Variants in TEAD4 observed in about 807,000 individuals in gnomAD.
The protein encoded by TEAD4 is TEA domain transcription factor 4, also known as transcriptional enhancer factor TEF-3.
Under a neutral mutation model 52.4 loss-of-function variants are expected in TEAD4, and 36 were observed. The ratio of observed to expected loss-of-function variants is 0.69; its 90% confidence interval spans 0.53 to 0.91. The LOEUF (loss-of-function observed/expected upper bound fraction) is 0.91, where lower values mean the gene tolerates loss of function less well. TEAD4 is among the 40% of genes least tolerant of loss of function. TEAD4 has a pLI of 0.00. For missense variants in TEAD4, 508 were observed against 583.9 expected (o/e 0.87, Z 1.34); for synonymous variants, 220 against 231.0 (o/e 0.95, Z 0.43).
At chr12:2,983,702 C>T (rs1301250663) in intron 2 of TEAD4, among the ~76,000 whole-genome samples, 1 of 152,224 alleles carries the variant, frequency 6.6e-6, no homozygotes, top group Non-Finnish European at 1.5e-5. Context: ...AAAATCCAGA[C>T]ATTTCCTGAG....
chr12:2,986,161 C>T (rs1470193809), intron 2 of TEAD4, among the ~76,000 whole-genome samples: 2 of 152,084 alleles, frequency 1.3e-5, no homozygotes, highest in Non-Finnish European at 2.9e-5. Context: ...GCGTCAGGGT[C>T]GTCAGTATCA....
At position 3,012,242 on chromosome 12, in the gene TEAD4, C is replaced by G; in HGVS notation, c.354+10C>G. The G allele has an allele frequency of 6.2e-7, 1 of 1,613,814 alleles. No homozygotes were observed. The highest frequency in any genetic ancestry group is 8.5e-7 in the Non-Finnish European group (1 of 1,179,836). On this transcript the variant is annotated intron_variant, in intron 5 of 12. Coordinates refer to ENST00000359864, the MANE Select transcript of TEAD4 (RefSeq NM_003213.4). Reference sequence around the variant, plus strand: ...CCAGGCCAAGCTAAAGGTAAGGAAACTGCAGTGGGGGTGCTGGAGTGGCCA... The same window carrying G: ...CCAGGCCAAGCTAAAGGTAAGGAAAGTGCAGTGGGGGTGCTGGAGTGGCCA...
intron 10 of TEAD4, among the ~76,000 whole-genome samples, chr12:3,025,076 CTG>C (rs2098271255): frequency 6.6e-6 from 1 of 152,024 alleles, no homozygotes; most frequent in South Asian, 2.1e-4. Flanking sequence ...TCCCGAGTAG[CTG>C]GGATTACAGG....
In TEAD4 at chr12:3,022,265, C is replaced by T. The variant is rs924951786; in HGVS notation, c.897+248C>T. Among the ~76,000 whole-genome samples the T allele has an allele frequency of 3.9e-5, 6 of 152,154 alleles. No homozygotes were observed. The East Asian group carries it at 5.8e-4, about 15-fold the overall frequency. The stretch of plus-strand genomic sequence containing the variant: ...TCACGGGTGGGGATGGCAGCTAAGC[C>T]GGGCTAACAGTGGAGCCCTCAGGAG... On this transcript the variant is annotated intron_variant, in intron 10 of 12. Coordinates refer to ENST00000359864, the MANE Select transcript of TEAD4 (RefSeq NM_003213.4).
intron 3 of TEAD4, among the ~76,000 whole-genome samples, chr12:3,007,179 G>C (rs1223080372): frequency 1.3e-5 from 2 of 152,238 alleles, no homozygotes; most frequent in African/African-American, 4.8e-5. Context: ...GTAGTTGTGG[G>C]GTGGTGGGCA....
Position 2,976,302 on chromosome 12 carries a change from A to G in TEAD4, c.-30+16262A>G, listed in dbSNP as rs1376178206. On this transcript the variant is annotated intron_variant, in intron 2 of 12. Transcript: ENST00000359864. ...GCTGGGATTACAGGCGTGAACCTCCACACCTGGCCATCTCATTTCTTTTTT... is the reference window on the plus strand; with the variant it reads ...GCTGGGATTACAGGCGTGAACCTCCGCACCTGGCCATCTCATTTCTTTTTT... Among the ~76,000 whole-genome samples the G allele has an allele frequency of 6.7e-5, 10 of 149,012 alleles. No individual in the cohort carries two copies. In the South Asian group the frequency reaches 1.9e-3, roughly 29 times the overall value.
chr12:2,965,383 C>G (rs2098219383), intron 2 of TEAD4, among the ~76,000 whole-genome samples: 1 of 151,962 alleles, frequency 6.6e-6, no homozygotes, highest in African/African-American at 2.4e-5. Context: ...AGAACTCAAA[C>G]TCCTGGGCTC....
intron 3 of TEAD4, among the ~76,000 whole-genome samples, chr12:2,996,278 C>A (rs949649641): frequency 6.6e-6 from 1 of 152,174 alleles, no homozygotes; most frequent in African/African-American, 2.4e-5. Flanking sequence ...CTGGTGCCAC[C>A]CCCACCATTG....
At chr12:3,038,640 T>C (rs2098280832) in intron 11 of TEAD4, among the ~76,000 whole-genome samples, 7 of 152,224 alleles carry the variant, frequency 4.6e-5, no homozygotes, top group Admixed American at 3.9e-4. Context: ...CTGCCTTTTA[T>C]GGTTTCTCCC....
intron 2 of TEAD4, among the ~76,000 whole-genome samples, chr12:2,963,035 C>G (rs2098217126): frequency 6.6e-6 from 1 of 152,190 alleles, no homozygotes. Context: ...ATACTCTGCT[C>G]CGACCTGGCA....
chr12:2,967,720 TTCA>T (rs1477608063), intron 2 of TEAD4, among the ~76,000 whole-genome samples: 1 of 152,208 alleles, frequency 6.6e-6, no homozygotes, highest in African/African-American at 2.4e-5. Flanking sequence ...CATTTCTGCC[TTCA>T]TCATCTCATT....
At chr12:3,024,441 A>G (rs187799600) in intron 10 of TEAD4, among the ~76,000 whole-genome samples, 3 of 152,256 alleles carry the variant, frequency 2.0e-5, no homozygotes, top group East Asian at 1.9e-4. Context: ...TGGGAGCCCA[A>G]CGTGGGCAGA....
chr12:3,022,734 A>C (rs1332982401), intron 10 of TEAD4, among the ~76,000 whole-genome samples: 2 of 151,970 alleles, frequency 1.3e-5, no homozygotes, highest in African/African-American at 4.8e-5. Flanking sequence ...GTGCGAGGAG[A>C]GAGTCAGACA....
intron 10 of TEAD4, among the ~76,000 whole-genome samples, chr12:3,036,099 TGTCTGTTTCA>T (rs1591602193): frequency 1.3e-5 from 2 of 152,204 alleles, no homozygotes; most frequent in East Asian, 3.9e-4. Flanking sequence ...TAAATGCTGC[TGTCTGTTTCA>T]GAGGCTGAGC....
At chr12:2,999,156 C>T (rs1418326851) in intron 3 of TEAD4, among the ~76,000 whole-genome samples, 2 of 152,172 alleles carry the variant, frequency 1.3e-5, no homozygotes, top group African/African-American at 2.4e-5. Context: ...CTGACTCAGA[C>T]CTCAGCTCAC....
At chr12:2,964,031 C>T (rs2098218092) in intron 2 of TEAD4, among the ~76,000 whole-genome samples, 3 of 146,646 alleles carry the variant, frequency 2.0e-5, no homozygotes, top group Non-Finnish European at 3.0e-5. Flanking sequence ...ATTGCATATC[C>T]GGTAGAGGGT....
intron 2 of TEAD4, among the ~76,000 whole-genome samples, chr12:2,980,519 G>C (rs1236004748): frequency 6.6e-6 from 1 of 152,072 alleles, no homozygotes; most frequent in African/African-American, 2.4e-5. Context: ...GATCACTTGA[G>C]GACAGGAGCT....
rs572191607 is a variant in TEAD4 at position 2,980,499 on chromosome 12, G to A, written c.-29-14239G>A. On this transcript the variant is annotated intron_variant, in intron 2 of 12. Coordinates refer to ENST00000359864, the MANE Select transcript of TEAD4 (RefSeq NM_003213.4). ...TGTAATCCCAGCACTTTGGGAGGCC[G>A]AGACGGGCGGATCACTTGAGGACAG... 7.2e-5 allele frequency among the ~76,000 whole-genome samples: 11 copies of A among 152,244 alleles called. No individual in the cohort carries two copies. In the South Asian group the frequency reaches 1.0e-3, roughly 14 times the overall value.
intron 2 of TEAD4, among the ~76,000 whole-genome samples, chr12:2,978,492 C>T (rs762643537): frequency 1.3e-5 from 2 of 150,648 alleles, no homozygotes; most frequent in Non-Finnish European, 3.0e-5. Flanking sequence ...GGCTCGCTGC[C>T]TCCGGGGTTC....
Sources: allele counts gnomAD v4.1 joint callset (sites outside exome capture counted in the v4.1 genomes callset), GRCh38; gene constraint gnomAD v4.1.1; transcripts MANE v1.5; gene names NCBI Gene and HGNC (gene_info 2026-07-23, HGNC 2026-07-21).